IL1RAPL2: variants seen among roughly 807,000 people sequenced by gnomAD.
The protein encoded by IL1RAPL2 is interleukin 1 receptor accessory protein like 2, also known as X-linked interleukin-1 receptor accessory protein-like 2.
In IL1RAPL2, 3 loss-of-function variants were observed where a neutral mutation model predicts 44.1. That is an observed-to-expected ratio of 0.07 (90% CI 0.03 to 0.18). The LOEUF (loss-of-function observed/expected upper bound fraction) is 0.18, where lower values mean the gene tolerates loss of function less well. Among genes scored for constraint, IL1RAPL2 ranks in the 10% least tolerant of loss-of-function variants. The pLI, the probability that IL1RAPL2 is intolerant of heterozygous loss-of-function variation, is 1.00. For missense variants in IL1RAPL2, 391 were observed against 496.4 expected (o/e 0.79, Z 2.02); for synonymous variants, 181 against 178.8 (o/e 1.01, Z -0.10).
At chrX:104,999,957 C>CT (rs59134494) in intron 2 of IL1RAPL2, among the ~76,000 whole-genome samples, 109 of 104,169 alleles carry the variant, frequency 1.0e-3, no homozygotes, top group East Asian at 6.3e-3. Flanking sequence ...CATAACATTT[C>CT]TTTTTTTTTT....
chrX:104,888,621 C>CCT (rs1923327487), intron 2 of IL1RAPL2, among the ~76,000 whole-genome samples: 2 of 110,623 alleles, frequency 1.8e-5, no homozygotes, highest in African/African-American at 6.6e-5. Flanking sequence ...AGACTCTCAA[C>CCT]CTAACCCACG....
intron 2 of IL1RAPL2, among the ~76,000 whole-genome samples, chrX:104,947,299 G>T (rs1925408998): frequency 9.7e-6 from 1 of 102,727 alleles, no homozygotes; most frequent in Non-Finnish European, 2.0e-5. Context: ...GGAGTTCATT[G>T]TAGATTCTGG....
chrX:105,043,818 T>A (rs1180004501), intron 2 of IL1RAPL2, among the ~76,000 whole-genome samples: 1 of 111,640 alleles, frequency 9.0e-6, no homozygotes, highest in Admixed American at 9.6e-5. Context: ...TTTAGGTTGT[T>A]CTTTTCATCA....
intron 2 of IL1RAPL2, among the ~76,000 whole-genome samples, chrX:105,139,805 C>T (rs2033110132): frequency 1.8e-5 from 2 of 112,255 alleles, no homozygotes; most frequent in African/African-American, 6.5e-5. Context: ...ACATCCAGTC[C>T]ATTAGAGGTT....
intron 2 of IL1RAPL2, among the ~76,000 whole-genome samples, chrX:104,796,387 A>G (rs1158542020): frequency 8.9e-6 from 1 of 111,999 alleles, no homozygotes; most frequent in Non-Finnish European, 1.9e-5. Context: ...AATGGATATG[A>G]GACGCTATGA....
chrX:105,546,327 C>T (rs754720382), intron 6 of IL1RAPL2, among the ~76,000 whole-genome samples: 2 of 111,443 alleles, frequency 1.8e-5, no homozygotes, highest in South Asian at 3.7e-4. Flanking sequence ...TACCATCTTT[C>T]GATCTAATAT....
At chrX:105,444,208 G>T (rs57148158) in intron 5 of IL1RAPL2, among the ~76,000 whole-genome samples, 10 of 111,596 alleles carry the variant, frequency 9.0e-5, no homozygotes, top group African/African-American at 3.3e-4. Context: ...TTTTCCTATA[G>T]AGCTGTTGAA....
chrX:105,075,901 T>G (rs1354136811), intron 2 of IL1RAPL2, among the ~76,000 whole-genome samples: 2 of 111,901 alleles, frequency 1.8e-5, no homozygotes, highest in African/African-American at 6.5e-5. Flanking sequence ...CCGTTTGTCA[T>G]TTTTCATCGT....
At chrX:104,779,617 A>T (rs1203130866) in intron 2 of IL1RAPL2, among the ~76,000 whole-genome samples, 1 of 111,650 alleles carries the variant, frequency 9.0e-6, no homozygotes, top group Non-Finnish European at 1.9e-5. Flanking sequence ...CTCACTTAAT[A>T]CTCTCAACCC....
At chrX:104,871,085 A>T (rs1922750298) in intron 2 of IL1RAPL2, among the ~76,000 whole-genome samples, 1 of 111,629 alleles carries the variant, frequency 9.0e-6, no homozygotes, top group Non-Finnish European at 1.9e-5. Flanking sequence ...AACGACTTAT[A>T]TAAGTTCTTA....
chrX:104,902,157 G>A (rs1330088723), intron 2 of IL1RAPL2, among the ~76,000 whole-genome samples: 2 of 111,760 alleles, frequency 1.8e-5, no homozygotes, highest in African/African-American at 3.3e-5. Flanking sequence ...TGAACGTTAT[G>A]GAAGTAAAGT....
chrX:104,696,448 G>A, intron 2 of IL1RAPL2, among the ~76,000 whole-genome samples: 1 of 112,130 alleles, frequency 8.9e-6, no homozygotes. Flanking sequence ...CTGAATGCAA[G>A]TGTGCATACA....
At chrX:104,584,378 G>A (rs768775169) in intron 1 of IL1RAPL2, among the ~76,000 whole-genome samples, 3 of 110,346 alleles carry the variant, frequency 2.7e-5, no homozygotes, top group Non-Finnish European at 5.7e-5. Context: ...TTCTTTTCCT[G>A]GTGAATACAT....
intron 6 of IL1RAPL2, among the ~76,000 whole-genome samples, chrX:105,533,049 G>C (rs1490052158): frequency 1.8e-5 from 2 of 110,049 alleles, no homozygotes; most frequent in Non-Finnish European, 3.8e-5. Flanking sequence ...AATTAGCCAG[G>C]CGTGGTGGTG....
chrX:105,427,739 T>G (rs1278699253), intron 5 of IL1RAPL2, among the ~76,000 whole-genome samples: 1 of 112,203 alleles, frequency 8.9e-6, no homozygotes, highest in African/African-American at 3.2e-5. Context: ...ACTCCTTGTG[T>G]GAGGGCAACA....
At chrX:104,638,152 T>C (rs1929863756) in intron 1 of IL1RAPL2, among the ~76,000 whole-genome samples, 1 of 111,588 alleles carries the variant, frequency 9.0e-6, no homozygotes. Flanking sequence ...TGTTAACATA[T>C]AGGTATTCTT....
intron 2 of IL1RAPL2, among the ~76,000 whole-genome samples, chrX:105,098,805 T>C (rs903453612): frequency 8.9e-6 from 1 of 112,317 alleles, no homozygotes; most frequent in Admixed American, 9.4e-5. Context: ...GTTCTTTTTA[T>C]GTGACCAGAA....
At chrX:105,582,817 AAC>A (rs2037098621) in intron 6 of IL1RAPL2, among the ~76,000 whole-genome samples, 1 of 110,856 alleles carries the variant, frequency 9.0e-6, no homozygotes, top group East Asian at 2.8e-4. Flanking sequence ...GTGTTGTAAT[AAC>A]ACTGCATGGC....
At chrX:105,148,125 T>C (rs1160674501) in intron 2 of IL1RAPL2, among the ~76,000 whole-genome samples, 1 of 111,818 alleles carries the variant, frequency 8.9e-6, no homozygotes, top group Non-Finnish European at 1.9e-5. Context: ...GTCAATGATA[T>C]ATTGACATTT....
Sources: gnomAD v4.1 joint callset for allele counts (sites outside exome capture counted in the v4.1 genomes callset) on GRCh38, gnomAD v4.1.1 for gene constraint, MANE v1.5 for transcripts, NCBI Gene and HGNC (gene_info 2026-07-23, HGNC 2026-07-21) for gene names.